DGKA: variants seen among roughly 807,000 people sequenced by gnomAD.
DGKA encodes diacylglycerol kinase alpha, also known as 80 kDa diacylglycerol kinase.
In DGKA, 35 loss-of-function variants were observed where a neutral mutation model predicts 105.0. The observed-to-expected ratio is 0.33, with a 90% CI of 0.25 to 0.44. DGKA has a LOEUF of 0.44. DGKA is among the 20% of genes least tolerant of loss of function. The probability of loss-of-function intolerance (pLI) is 1.00; values close to 1 mark genes in which losing one functional copy is unlikely to be tolerated. For synonymous variants in DGKA, 296 were observed against 332.0 expected (o/e 0.89, Z 1.18); for missense variants, 665 against 915.0 (o/e 0.73, Z 3.53).
At position 55,939,229 on chromosome 12, in the gene DGKA, G is replaced by A. The variant is rs750596798; in HGVS notation, c.518G>A (p.Gly173Asp). Residue 173 changes from glycine (G) to aspartate (D), a missense_variant, in exon 8 of 24, where the codon GGC becomes GAC. By Grantham distance (94) the Gly-to-Asp change is moderately conservative (BLOSUM62 -1). Around this residue, in one of 3 missense-constraint regions of DGKA, gnomAD observed 504 missense variants for 681.2 expected, o/e 0.74. Transcript: ENST00000331886. ...AAAGAGATTGACTATGATGGCAGTG[G>A]CTCTGTCTCTCAAGCTGAGTGGGTC... is the stretch of plus-strand genomic sequence containing the variant. Reference protein sequence around the residue: ...MMKEIDYDGSGSVSQAEWVRA... With the variant: ...MMKEIDYDGSDSVSQAEWVRA... The A allele has an allele frequency of 4.1e-5, 66 of 1,614,090 alleles. No individual in the cohort carries two copies. Among genetic ancestry groups the A allele is most frequent in the Non-Finnish European group, 5.6e-5 (66 of 1,180,044 alleles).
At chr12:55,938,358 C>A in intron 5 of DGKA, 153 bp from the exon 6 acceptor site, 1 of 968,270 alleles carries the variant, frequency 1.0e-6, no homozygotes, top group South Asian at 1.5e-5. Context: ...GCCTGTTTTC[C>A]TTTCCTTTTT....
intron 17 of DGKA, 97 bp downstream of exon 17, chr12:55,942,360 A>T: frequency 2.5e-6 from 3 of 1,177,782 alleles, no homozygotes; most frequent in South Asian, 2.5e-5. Context: ...TATGGAAAGG[A>T]TTGGGGAAGA....
At chr12:55,931,463 A>G (rs1325037669) in intron 1 of DGKA, 119 bp downstream of exon 1, 1 of 152,390 alleles carries the variant, frequency 6.6e-6, no homozygotes, top group Non-Finnish European at 1.5e-5. Flanking sequence ...GACTGGGGAA[A>G]ATAGGTCTAA....
upstream of DGKA, chr12:55,930,329 AG>A (rs1420791243): frequency 2.0e-5 from 3 of 151,412 alleles, no homozygotes; most frequent in Non-Finnish European, 4.4e-5. Context: ...AATACTGTAA[AG>A]ACAGGATGGG....
rs187690093 is a variant in DGKA at position 55,938,615 on chromosome 12, C to T, written c.399+55C>T. 202 of 1,611,396 alleles carry T rather than the reference C, an allele frequency of 1.3e-4. No homozygotes were observed. The African/African-American group carries it at 2.1e-3, about 17-fold the overall frequency. The stretch of plus-strand genomic sequence containing the variant: ...GGGAATATGTGTTAATTTGTCTGCA[C>T]CCTCCTGCCCCAACTCTTCCAGGGT... On this transcript the variant is annotated intron_variant, in intron 6 of 23. Coordinates refer to ENST00000331886, the MANE Select transcript of DGKA (RefSeq NM_001345.5).
In DGKA at chr12:55,941,323, A is replaced by T. The variant is rs1136082; in HGVS notation, c.1173A>T (p.Gln391His). 2 of 1,613,024 alleles carry T rather than the reference A, an allele frequency of 1.2e-6. No individual in the cohort carries two copies. The highest frequency in any genetic ancestry group is 1.7e-6 in the Non-Finnish European group (2 of 1,179,300). Reference protein sequence around the residue: ...VNPKSGGKQGQRVLWKFQYIL... With the variant: ...VNPKSGGKQGHRVLWKFQYIL... ...CTAAGAGTGGCGGGAAGCAGGGGCAAAGGTGAGGAGAAATATATTGGGTCT... is the reference window on the plus strand; with the variant it reads ...CTAAGAGTGGCGGGAAGCAGGGGCATAGGTGAGGAGAAATATATTGGGTCT... Residue 391 changes from glutamine (Q) to histidine (H), a missense_variant and splice_region_variant, in exon 14 of 24, where the codon CAA (glutamine) becomes CAT (histidine). This residue lies in a region of DGKA where 504 missense variants were observed against 681.2 expected (regional missense o/e 0.74). Coordinates refer to ENST00000331886, the MANE Select transcript of DGKA (RefSeq NM_001345.5).
chr12:55,938,621 T>G (rs752852641), intron 6 of DGKA, 61 bp downstream of exon 6: 2 of 1,611,528 alleles, frequency 1.2e-6, no homozygotes, highest in Non-Finnish European at 1.7e-6. Flanking sequence ...TGCACCCTCC[T>G]GCCCCAACTC....
Position 55,936,479 on chromosome 12 carries a change from G to A in DGKA, c.-25G>A, listed in dbSNP as rs745753870. On this transcript the variant is annotated 5_prime_UTR_variant, in exon 2 of 24. Coordinates refer to ENST00000331886, the MANE Select transcript of DGKA (RefSeq NM_001345.5). Reference sequence around the variant, plus strand: ...AGTACTACTACGAAGCTGCCTTTCTGGCCATCCTTGAGAAAAATAGACAGA... The same window carrying A: ...AGTACTACTACGAAGCTGCCTTTCTAGCCATCCTTGAGAAAAATAGACAGA... 13 of 1,612,236 alleles carry A rather than the reference G, an allele frequency of 8.1e-6. No individual in the cohort carries two copies. The highest frequency in any genetic ancestry group is 1.1e-5 in the South Asian group (1 of 90,952).
upstream of DGKA, among the ~76,000 whole-genome samples, chr12:55,928,577 C>T (rs1377315676): frequency 7.3e-6 from 1 of 136,882 alleles, no homozygotes; most frequent in African/African-American, 2.7e-5. Context: ...ACTCGGGAGG[C>T]TGAGGCAGAG....
chr12:55,930,076 T>C (rs1337026849), upstream of DGKA, among the ~76,000 whole-genome samples: 1 of 152,202 alleles, frequency 6.6e-6, no homozygotes, highest in African/African-American at 2.4e-5. Context: ...AGAAAACTGA[T>C]AGGCAGAGGT....
At position 55,952,838 on chromosome 12, in the gene DGKA, G is replaced by T; in HGVS notation, c.1848G>T (p.Arg616Ser). ...GCTCCAACCTCTGGGGTGATACCAG[G>T]AGACCCCATGGGGATATCTATGGGA... ...HGGSNLWGDT[R>S]RPHGDIYGIN... The change falls in exon 21 of 24, where the codon AGG becomes AGT. Residue 616 changes from arginine (R) to serine (S), a missense_variant. By Grantham distance (110) the Arg-to-Ser change is moderately radical. Coordinates refer to ENST00000331886, the MANE Select transcript of DGKA (RefSeq NM_001345.5). The surrounding 1 kb of genome is among the most constrained non-coding windows in gnomAD (Gnocchi z 5.1). The T allele has an allele frequency of 6.2e-7, 1 of 1,614,134 alleles. No individual in the cohort carries two copies. The highest frequency in any genetic ancestry group is 8.5e-7 in the Non-Finnish European group (1 of 1,180,020).
At position 55,940,751 on chromosome 12, in the gene DGKA, G is replaced by A. The variant is rs1178003428; in HGVS notation, c.1017+29G>A. The A allele has an allele frequency of 2.5e-6, 4 of 1,606,612 alleles. No homozygotes were observed. The East Asian group carries it at 6.7e-5, about 27-fold the overall frequency. On this transcript the variant is annotated intron_variant, in intron 12 of 23. Coordinates refer to ENST00000331886, the MANE Select transcript of DGKA (RefSeq NM_001345.5). The surrounding 1 kb of genome is among the most constrained non-coding windows in gnomAD (Gnocchi z 4.3). ...AGACCCTCGGCAGCAGCGGGGAGGG[G>A]ACAGGAGTGCCTCCCCGATTTCCCA...
chr12:55,938,543 G>A lies in DGKA; in HGVS notation c.382G>A (p.Gly128Arg). ...CAAGCTGTACGACACGGACAGAAAT[G>A]GGATCCTGGACAGCTCAGTGAGTTG... is the stretch of plus-strand genomic sequence containing the variant. ...TFKLYDTDRN[G>R]ILDSSEVDKI... Residue 128 changes from glycine (G) to arginine (R), a missense_variant, in exon 6 of 24, where the codon GGG becomes AGG. By Grantham distance (125) the Gly-to-Arg change is moderately radical (BLOSUM62 -2). Around this residue, in one of 3 missense-constraint regions of DGKA, gnomAD observed 504 missense variants for 681.2 expected, o/e 0.74. Coordinates refer to ENST00000331886, the MANE Select transcript of DGKA (RefSeq NM_001345.5). 1 of 1,614,088 alleles carries A rather than the reference G, an allele frequency of 6.2e-7. No homozygotes were observed. Among genetic ancestry groups the A allele is most frequent in the South Asian group, 1.1e-5 (1 of 91,086 alleles).
At chr12:55,936,989 C>G in intron 2 of DGKA, 28 bp from the exon 3 acceptor site, 2 of 1,594,246 alleles carry the variant, frequency 1.3e-6, no homozygotes, top group East Asian at 4.5e-5. Context: ...ACTAATAATG[C>G]TGTTCTCTTA....
intron 4 of DGKA, 61 bp downstream of exon 4, chr12:55,937,604 T>C (rs1885012573): frequency 6.3e-7 from 1 of 1,581,580 alleles, no homozygotes; most frequent in Non-Finnish European, 8.6e-7. Context: ...CTAGTATGGA[T>C]TTGGGGTTGA....
At chr12:55,938,440 C>G in intron 5 of DGKA, 71 bp from the exon 6 acceptor site, 6 of 1,587,776 alleles carry the variant, frequency 3.8e-6, no homozygotes, top group Non-Finnish European at 5.2e-6. Context: ...CTTTGTTTCC[C>G]CCATATTCTG....
In DGKA at chr12:55,952,877, A is replaced by T; in HGVS notation, c.1887A>T (p.Leu629Phe). The change falls in exon 21 of 24, where the codon TTA becomes TTT. Residue 629 changes from leucine to phenylalanine, a missense_variant. This residue lies in a region of DGKA where 158 missense variants were observed against 213.4 expected (regional missense o/e 0.74). Coordinates refer to ENST00000331886, the MANE Select transcript of DGKA (RefSeq NM_001345.5). This position sits in a 1 kb window ranked among gnomAD's most constrained non-coding sequence, Gnocchi z 5.1. ...ATATCTATGGGATCAACCAGGCCTT[A>T]GGTGCTACAGCTAAAGTCATCACCG... is the stretch of plus-strand genomic sequence containing the variant. ...HGDIYGINQA[L>F]GATAKVITDP... 6.2e-7 allele frequency: 1 copy of T among 1,614,216 alleles called. No individual in the cohort carries two copies.
At chr12:55,931,040 G>C (rs917472963), upstream of DGKA, 1 of 152,160 alleles carries the variant, frequency 6.6e-6, no homozygotes, top group African/African-American at 2.4e-5. Flanking sequence ...CCCACCCCCA[G>C]GTGTAAGAAG....
chr12:55,948,591 G>T (rs1887519636), intron 17 of DGKA, among the ~76,000 whole-genome samples: 1 of 151,842 alleles, frequency 6.6e-6, no homozygotes, highest in Admixed American at 6.6e-5. Context: ...AACCAGGCAT[G>T]GTGGCACACG....
Sources: allele counts gnomAD v4.1 joint callset (sites outside exome capture counted in the v4.1 genomes callset), GRCh38; gene constraint gnomAD v4.1.1; regional missense constraint gnomAD v4.1.1; non-coding constraint Gnocchi (gnomAD v3.1); transcripts MANE v1.5; gene names NCBI Gene and HGNC (gene_info 2026-07-23, HGNC 2026-07-21).